The following PRH1 variants were observed in gnomAD, a reference collection of about 807,000 sequenced individuals.
PRH1 encodes salivary acidic proline-rich phosphoprotein 1/2.
PRH1 carries 7 observed loss-of-function variants against 7.9 expected under a neutral mutation model. That is an observed-to-expected ratio of 0.89 (90% CI 0.50 to 1.67). PRH1 has a LOEUF of 1.67. Among genes scored for constraint, PRH1 ranks in the 40% most tolerant of loss-of-function variants. PRH1 has a pLI of 0.00. For missense variants in PRH1, 109 were observed against 223.6 expected (o/e 0.49, Z 3.27); for synonymous variants, 45 against 80.8 (o/e 0.56, Z 2.38).
rs567395910 is a variant in PRH1 at position 11,042,765 on chromosome 12, G to A, written c.-126+4255C>T. Among the ~76,000 whole-genome samples, 822 of 151,738 alleles carry A rather than the reference G, an allele frequency of 5.4e-3. 8 individuals carry two copies. The highest frequency in any genetic ancestry group is 7.3e-3 in the Non-Finnish European group (495 of 67,918). The stretch of plus-strand genomic sequence containing the variant: ...CTGCCTCAGCCTCCCGAGTAGCTGG[G>A]ACTACAGGCGCCCACCACCACGCCC... On this transcript the variant is annotated intron_variant, in intron 1 of 3. Transcript: ENST00000539853.
Position 11,086,342 on chromosome 12 carries a change from G to GTT in PRH1, n.124-39156_124-39155dup, listed in dbSNP as rs1565638673. 3.5e-5 allele frequency among the ~76,000 whole-genome samples: 4 copies of GTT among 113,826 alleles called. No homozygotes were observed. In the Admixed American group the frequency reaches 3.5e-4, roughly 10 times the overall value. 74.7% of individuals were successfully genotyped at this position (113,826 alleles called of 152,430 possible). A position where few individuals can be genotyped will look rare whatever the true frequency, so the allele number is the denominator to read the frequency against. ...TATTCCTCGGACACTTAAAAAACGT[G>GTT]TTCCATTGAAGAGTCTACACTTCTC... On this transcript the variant is annotated intron_variant and non_coding_transcript_variant, in intron 1 of 4. Coordinates refer to the PRH1 transcript ENST00000541977.
Position 11,096,486 on chromosome 12 carries a change from C to A in PRH1, n.124-49298G>T, listed in dbSNP as rs1259815746. 1.7e-5 allele frequency among the ~76,000 whole-genome samples: 2 copies of A among 115,328 alleles called. 1 individual carries two copies. Among genetic ancestry groups the A allele is most frequent in the East Asian group, 4.2e-4 (2 of 4,770 alleles). The allele number at this position is 115,328 out of a possible 152,430, so 75.7% of individuals were successfully genotyped here. A position where few individuals can be genotyped will look rare whatever the true frequency, so the allele number is the denominator to read the frequency against. On this transcript the variant is annotated intron_variant and non_coding_transcript_variant, in intron 1 of 4. Coordinates refer to the PRH1 transcript ENST00000541977. ...AGTTATTAAAAAAAGTTTTTTTAAA[C>A]TTTTAGTATACCTGACATGAAAATG...
chr12:10,937,344 T>C (rs970838370), intron 2 of PRH1: 3 of 152,076 alleles, frequency 2.0e-5, no homozygotes, highest in African/African-American at 7.2e-5. Context: ...TTAACAAGTA[T>C]CATTATTTTA....
chr12:11,015,765 GT>G (rs1941265164), intron 1 of PRH1, among the ~76,000 whole-genome samples: 1 of 152,066 alleles, frequency 6.6e-6, no homozygotes, highest in African/African-American at 2.4e-5. Context: ...GAATTCCTGG[GT>G]TTGTAACAGA....
At chr12:11,069,866 C>T (rs1483204619) in intron 1 of PRH1, among the ~76,000 whole-genome samples, 31 of 152,290 alleles carry the variant, frequency 2.0e-4, no homozygotes, top group African/African-American at 6.5e-4. Context: ...GCTTAAGTCC[C>T]CTTGATAACA....
chr12:11,058,448 T>C (rs752446309), intron 1 of PRH1, among the ~76,000 whole-genome samples: 1 of 152,272 alleles, frequency 6.6e-6, no homozygotes, highest in Non-Finnish European at 1.5e-5. Flanking sequence ...GGCATGTTGC[T>C]CTCTCTCTAT....
At chr12:11,113,078 ATACAGC>A (rs917053305) in intron 1 of PRH1, among the ~76,000 whole-genome samples, 1 of 152,196 alleles carries the variant, frequency 6.6e-6, no homozygotes, top group Admixed American at 6.5e-5. Context: ...ATACCTAGGA[ATACAGC>A]TAAGAAGAGA....
At chr12:11,003,134 T>A (rs559183730) in intron 1 of PRH1, among the ~76,000 whole-genome samples, 1 of 152,010 alleles carries the variant, frequency 6.6e-6, no homozygotes, top group African/African-American at 2.4e-5. Context: ...CTTTCTTTTT[T>A]AAATTAATTT....
At chr12:11,036,285 A>C (rs1333494751) in intron 1 of PRH1, among the ~76,000 whole-genome samples, 1 of 152,254 alleles carries the variant, frequency 6.6e-6, no homozygotes, top group Non-Finnish European at 1.5e-5. Flanking sequence ...AGTTTATCAA[A>C]AAATGAAGGA....
At chr12:11,100,647 C>A (rs1208634452) in intron 1 of PRH1, among the ~76,000 whole-genome samples, 2 of 152,174 alleles carry the variant, frequency 1.3e-5, no homozygotes, top group African/African-American at 4.8e-5. Context: ...GTACTTAAAA[C>A]TTTATCAAAA....
At chr12:11,138,434 T>C (rs948462322) in intron 1 of PRH1, among the ~76,000 whole-genome samples, 1 of 152,194 alleles carries the variant, frequency 6.6e-6, no homozygotes, top group African/African-American at 2.4e-5. Flanking sequence ...TAACAAAATA[T>C]TTAACCCAAA....
chr12:10,936,740 C>T (rs1950294695), intron 2 of PRH1, among the ~76,000 whole-genome samples: 1 of 152,126 alleles, frequency 6.6e-6, no homozygotes, highest in Admixed American at 6.5e-5. Context: ...TATAAAGACA[C>T]CAGTCCTATT....
chr12:11,120,039 T>C (rs565496686), downstream of PRH1, among the ~76,000 whole-genome samples: 1 of 152,216 alleles, frequency 6.6e-6, no homozygotes, highest in African/African-American at 2.4e-5. Context: ...ATTTTGCACA[T>C]CTGCCAAAAT....
intron 2 of PRH1, among the ~76,000 whole-genome samples, chr12:10,935,616 G>A (rs1407797874): frequency 6.6e-6 from 1 of 152,062 alleles, no homozygotes; most frequent in Admixed American, 6.6e-5. Flanking sequence ...CAAAGGTTGG[G>A]TTTTATTCAG....
At chr12:11,153,960 T>C (rs1288994189) in intron 1 of PRH1, among the ~76,000 whole-genome samples, 2 of 152,208 alleles carry the variant, frequency 1.3e-5, no homozygotes, top group African/African-American at 4.8e-5. Context: ...ACAAGTGGTT[T>C]GTGTCCAGAG....
intron 1 of PRH1, among the ~76,000 whole-genome samples, chr12:11,001,964 T>C (rs1940616231): frequency 6.6e-6 from 1 of 152,128 alleles, no homozygotes; most frequent in Non-Finnish European, 1.5e-5. Flanking sequence ...ATCTTTCTAA[T>C]TAAGGAATTT....
At chr12:11,055,767 T>C (rs199868995) in intron 1 of PRH1, among the ~76,000 whole-genome samples, 94 of 134,076 alleles carry the variant, frequency 7.0e-4, no homozygotes, top group Middle Eastern at 3.9e-3. Context: ...GGAAATTTTC[T>C]AACCTAATAC....
At chr12:10,885,574 C>G (rs1206163138), upstream of PRH1, among the ~76,000 whole-genome samples, 2 of 151,840 alleles carry the variant, frequency 1.3e-5, no homozygotes, top group Non-Finnish European at 2.9e-5. Flanking sequence ...CTGATTGCTC[C>G]AAAAATTAAG....
intron 2 of PRH1, among the ~76,000 whole-genome samples, chr12:10,915,413 G>A (rs948219712): frequency 7.2e-5 from 11 of 152,200 alleles, no homozygotes; most frequent in African/African-American, 2.7e-4. Context: ...AATATAAGAA[G>A]CAGCAGACTA....
Sources: allele counts gnomAD v4.1 joint callset (sites outside exome capture counted in the v4.1 genomes callset), GRCh38; gene constraint gnomAD v4.1.1; transcripts MANE v1.5; gene names NCBI Gene and HGNC (gene_info 2026-07-23, HGNC 2026-07-21).